GTPBP8: variants seen among roughly 807,000 people sequenced by gnomAD.
GTPBP8 encodes GTP binding protein 8.
A neutral mutation model predicts 27.3 loss-of-function variants in GTPBP8; 21 were observed. The observed-to-expected ratio is 0.77, with a 90% CI of 0.55 to 1.11. The LOEUF is 1.11. GTPBP8 is among the 50% of genes least tolerant of loss of function. The pLI is 0.00. For missense variants in GTPBP8, 380 were observed against 350.8 expected (o/e 1.08, Z -0.67); for synonymous variants, 147 against 135.3 (o/e 1.09, Z -0.60).
Position 112,993,093 on chromosome 3 carries a change from C to T in GTPBP8, c.404C>T (p.Pro135Leu), listed in dbSNP as rs868597413. 6.2e-7 allele frequency: 1 copy of T among 1,609,884 alleles called. No individual in the cohort carries two copies. The change falls in exon 2 of 6, where the codon CCT becomes CTT. Residue 135 changes from proline (P) to leucine (L), a missense_variant. By Grantham distance (98) the Pro-to-Leu change is moderately conservative. Coordinates refer to ENST00000383678, the MANE Select transcript of GTPBP8 (RefSeq NM_014170.4). ...ATCAAGGCTTTATTTTCACTGGCCC[C>T]TGAGGTTGAAGTCAGAGTCTCCAAA... ...SLIKALFSLA[P>L]EVEVRVSKKP...
Position 112,999,512 on chromosome 3 carries a change from A to C in GTPBP8, c.733A>C (p.Lys245Gln), listed in dbSNP as rs201243513. Residue 245 changes from lysine to glutamine, a missense_variant, in exon 5 of 6, where the codon AAA (lysine) becomes CAA (glutamine). Physicochemically the swap from Lys to Gln is moderately conservative, Grantham distance 53. Transcript: ENST00000383678. Reference protein sequence around the residue: ...HLLKQVLQIQKFVNMKTQGCF... With the variant: ...HLLKQVLQIQQFVNMKTQGCF... ...TTTAAAACAAGTGCTTCAGATCCAG[A>C]AATTTGTTAACATGAAAACTCAAGG... 4.5e-6 allele frequency: 7 copies of C among 1,538,802 alleles called. No individual in the cohort carries two copies. Among genetic ancestry groups the C allele is most frequent in the Non-Finnish European group, 5.3e-6 (6 of 1,127,752 alleles).
rs1362961212 is a variant in GTPBP8, at chr3:113,001,289, G to C, written c.*370G>C. The C allele has an allele frequency of 6.4e-6, 1 of 155,548 alleles. No individual in the cohort carries two copies. Among genetic ancestry groups the C allele is most frequent in the Non-Finnish European group, 1.4e-5 (1 of 70,602 alleles). 9.6% of individuals were successfully genotyped at this position (155,548 alleles called of 1,614,324 possible). On this transcript the variant is annotated 3_prime_UTR_variant, in exon 6 of 6. Coordinates refer to ENST00000383678, the MANE Select transcript of GTPBP8 (RefSeq NM_014170.4). Reference sequence around the variant, plus strand: ...TACTATGGGTATTTTTTTTTTAAATGTTAAAATGGGCTAGGTAAAAGGGGG... The same window carrying C: ...TACTATGGGTATTTTTTTTTTAAATCTTAAAATGGGCTAGGTAAAAGGGGG...
Position 113,001,663 on chromosome 3 carries a change from T to C in GTPBP8, c.*744T>C, listed in dbSNP as rs1234659073. On this transcript the variant is annotated 3_prime_UTR_variant, in exon 6 of 6. Transcript: ENST00000383678. Reference sequence around the variant, plus strand: ...ATAGCAAAATTCACAGGTAGATTTATTACAAGAAATGTCCTTTCATGGGGG... The same window carrying C: ...ATAGCAAAATTCACAGGTAGATTTACTACAAGAAATGTCCTTTCATGGGGG... 1 of 152,194 alleles carries C rather than the reference T, an allele frequency of 6.6e-6. No homozygotes were observed. The highest frequency in any genetic ancestry group is 1.5e-5 in the Non-Finnish European group (1 of 68,032). The allele number at this position is 152,194 out of a possible 1,614,324, so 9.4% of individuals were successfully genotyped here.
chr3:112,999,974 T>C (rs958667392), intron 5 of GTPBP8, among the ~76,000 whole-genome samples: 3 of 152,260 alleles, frequency 2.0e-5, no homozygotes, highest in Non-Finnish European at 2.9e-5. Flanking sequence ...CTGAGTAGTA[T>C]TACATGGTAC....
In GTPBP8 at chr3:112,996,935, CA is replaced by C; in HGVS notation, c.616del (p.Thr206GlnfsTer6). ...FLLVDSVVGI[Q>X]KTDNIAIEMC... ...ATTAGTGGATAGCGTTGTTGGAATT[CA>C]AAAAACAGACAATATTGCCATAGAA... On this transcript the variant is annotated frameshift_variant, in exon 4 of 6. Coordinates refer to ENST00000383678, the MANE Select transcript of GTPBP8 (RefSeq NM_014170.4). LOFTEE classifies it high-confidence loss of function. 6.3e-7 allele frequency: 1 copy of C among 1,583,146 alleles called. No individual in the cohort carries two copies. Among genetic ancestry groups the C allele is most frequent in the Non-Finnish European group, 8.7e-7 (1 of 1,153,600 alleles).
chr3:112,995,126 C>CT lies in GTPBP8; in HGVS notation c.436-6dup. ...AAGACAGCTTTTCTTTTTCTATTTACTTTATCAGGGACACACAAAGAAAAT... is the reference window on the plus strand; with the variant it reads ...AAGACAGCTTTTCTTTTTCTATTTACTTTTATCAGGGACACACAAAGAAAAT... On this transcript the variant is annotated splice_polypyrimidine_tract_variant and intron_variant, in intron 2 of 5. Transcript: ENST00000383678. 2 of 1,570,008 alleles carry CT rather than the reference C, an allele frequency of 1.3e-6. No homozygotes were observed. Among genetic ancestry groups the CT allele is most frequent in the Non-Finnish European group, 1.7e-6 (2 of 1,158,256 alleles).
chr3:112,994,269 C>T (rs1269390285), intron 2 of GTPBP8, among the ~76,000 whole-genome samples: 1 of 151,920 alleles, frequency 6.6e-6, no homozygotes, highest in Non-Finnish European at 1.5e-5. Flanking sequence ...ACTAAAAATA[C>T]AAAATTAGCC....
In GTPBP8 at chr3:112,996,984, C is replaced by CT. The variant is rs1180480896; in HGVS notation, c.661dup (p.Tyr221LeufsTer9). On this transcript the variant is annotated frameshift_variant, in exon 4 of 6. Coordinates refer to ENST00000383678, the MANE Select transcript of GTPBP8 (RefSeq NM_014170.4). LOFTEE classifies it high-confidence loss of function. ...GAAATGTGTGAAGAATTTGCATTAC[C>CT]TTATGTGGTAAGTACTTCCTTTGAA... 1 of 1,455,448 alleles carries CT rather than the reference C, an allele frequency of 6.9e-7. No homozygotes were observed. Among genetic ancestry groups the CT allele is most frequent in the South Asian group, 1.1e-5 (1 of 87,442 alleles). The allele number at this position is 1,455,448 out of a possible 1,614,324, so 90.2% of individuals were successfully genotyped here.
Position 113,001,627 on chromosome 3 carries a change from A to G in GTPBP8, c.*708A>G, listed in dbSNP as rs2107375584. 1 of 152,364 alleles carries G rather than the reference A, an allele frequency of 6.6e-6. No homozygotes were observed. The highest frequency in any genetic ancestry group is 2.1e-4 in the South Asian group (1 of 4,834). The allele number at this position is 152,364 out of a possible 1,614,324, so 9.4% of individuals were successfully genotyped here. A position where few individuals can be genotyped will look rare whatever the true frequency, so the allele number is the denominator to read the frequency against. ...AGCTACATATTTGTAAAGCCAAACC[A>G]ACAAAGAAATATAGCAAAATTCACA... is the stretch of plus-strand genomic sequence containing the variant. On this transcript the variant is annotated 3_prime_UTR_variant, in exon 6 of 6. Transcript: ENST00000383678.
Position 112,997,045 on chromosome 3 carries a change from A to G in GTPBP8, c.666+54A>G, listed in dbSNP as rs551553740. 74 of 823,186 alleles carry G rather than the reference A, an allele frequency of 9.0e-5. No individual in the cohort carries two copies. The East Asian group carries it at 1.6e-3, about 18-fold the overall frequency. The allele number at this position is 823,186 out of a possible 1,614,324, so 51.0% of individuals were successfully genotyped here. ...AATTAGAAATATCAGTTCTACGTGC[A>G]TCTGTGTGAACATGCACCTTTTAAC... On this transcript the variant is annotated intron_variant, in intron 4 of 5. Coordinates refer to ENST00000383678, the MANE Select transcript of GTPBP8 (RefSeq NM_014170.4).
chr3:112,992,566 T>TA (rs200657889), intron 1 of GTPBP8: 1,747 of 154,284 alleles, frequency 0.011, 24 homozygotes, highest in Middle Eastern at 0.053. Flanking sequence ...GCAGTGGTGT[T>TA]ACAGTATACC....
intron 1 of GTPBP8, 107 bp from the exon 2 acceptor site, chr3:112,992,919 A>G: frequency 1.6e-6 from 1 of 616,454 alleles, no homozygotes; most frequent in Non-Finnish European, 2.9e-6. Context: ...TGGCACATTT[A>G]ATTCATTCAA....
intron 5 of GTPBP8, among the ~76,000 whole-genome samples, chr3:113,000,323 G>A (rs1026146108): frequency 1.3e-5 from 2 of 152,164 alleles, no homozygotes; most frequent in East Asian, 1.9e-4. Flanking sequence ...CCAAGATCAC[G>A]CCATTGCACT....
intron 1 of GTPBP8, 148 bp downstream of exon 1, chr3:112,991,483 G>A (rs1933678574): frequency 8.0e-6 from 6 of 751,560 alleles, no homozygotes; most frequent in South Asian, 7.4e-5. Context: ...GGCATATGTC[G>A]ATGCTCCCTG....
chr3:112,993,196 G>T (rs1386263254), intron 2 of GTPBP8, 72 bp downstream of exon 2: 6 of 798,220 alleles, frequency 7.5e-6, no homozygotes, highest in East Asian at 5.0e-5. Context: ...ATGCTGGAAG[G>T]TATAAGAAAT....
At position 113,001,084 on chromosome 3, in the gene GTPBP8, G is replaced by A; in HGVS notation, c.*165G>A. 1 of 549,070 alleles carries A rather than the reference G, an allele frequency of 1.8e-6. No individual in the cohort carries two copies. 34.0% of individuals were successfully genotyped at this position (549,070 alleles called of 1,614,324 possible). ...CTGTGCCTTCTCGAAACAAGAATTT[G>A]TGCCTGAGGTGAAAAAAGTTTGTAA... On this transcript the variant is annotated 3_prime_UTR_variant, in exon 6 of 6. Transcript: ENST00000383678.
intron 4 of GTPBP8, 32 bp from the exon 5 acceptor site, chr3:112,999,414 T>C: frequency 2.7e-6 from 2 of 749,832 alleles, no homozygotes; most frequent in Non-Finnish European, 4.5e-6. Flanking sequence ...AACCACTTTA[T>C]TTCTAATGCA....
chr3:112,999,164 ACC>A (rs1418234391), intron 4 of GTPBP8, among the ~76,000 whole-genome samples: 5 of 152,178 alleles, frequency 3.3e-5, no homozygotes, highest in African/African-American at 1.2e-4. Flanking sequence ...TAACTCCAGG[ACC>A]CTTCTCATTG....
chr3:112,998,347 G>A (rs1933826592), intron 4 of GTPBP8, among the ~76,000 whole-genome samples: 1 of 152,138 alleles, frequency 6.6e-6, no homozygotes, highest in South Asian at 2.1e-4. Flanking sequence ...TTTAATTGCT[G>A]GAGTGGCTCA....
Sources: allele counts gnomAD v4.1 joint callset (sites outside exome capture counted in the v4.1 genomes callset), GRCh38; gene constraint gnomAD v4.1.1; transcripts MANE v1.5; gene names NCBI Gene and HGNC (gene_info 2026-07-23, HGNC 2026-07-21).